The following ADGRG7 variants were observed in gnomAD, a reference collection of about 807,000 sequenced individuals.
ADGRG7 encodes adhesion G protein-coupled receptor G7.
In ADGRG7, 82 loss-of-function variants were observed where a neutral mutation model predicts 88.6. That is an observed-to-expected ratio of 0.93 (90% CI 0.77 to 1.11). The LOEUF is 1.11. Ranked by LOEUF, ADGRG7 falls within the 50% of genes most tolerant of loss-of-function variation. The pLI, the probability that ADGRG7 is intolerant of heterozygous loss-of-function variation, is 0.00. For missense variants in ADGRG7, 945 were observed against 953.4 expected, an observed-to-expected ratio of 0.99 and a Z score of 0.12; for synonymous variants, 381 against 345.2, an observed-to-expected ratio of 1.10 and a Z score of -1.15.
chr3:100,656,286 A>G (rs1002477651), intron 13 of ADGRG7, among the ~76,000 whole-genome samples: 3 of 152,204 alleles, frequency 2.0e-5, no homozygotes, highest in Admixed American at 6.5e-5. Flanking sequence ...TACAATAGGT[A>G]TTATCCTTAG....
At chr3:100,680,379 C>T (rs2149039587) in intron 15 of ADGRG7, among the ~76,000 whole-genome samples, 1 of 152,218 alleles carries the variant, frequency 6.6e-6, no homozygotes, top group East Asian at 1.9e-4. Context: ...ATGTAGACAG[C>T]AAATACAAGT....
Position 100,669,083 on chromosome 3 carries a change from T to C in ADGRG7, c.2114T>C (p.Phe705Ser). The C allele has an allele frequency of 6.3e-7, 1 of 1,592,436 alleles. No individual in the cohort carries two copies. The highest frequency in any genetic ancestry group is 8.5e-7 in the Non-Finnish European group (1 of 1,170,954). ...DSIRIVFSYI[F>S]CLFNTTQGLQ... Reference sequence around the variant, plus strand: ...ATCAGGATCGTCTTCAGCTACATATTCTGCCTTTTCAACACTACACAGGTA... The same window carrying C: ...ATCAGGATCGTCTTCAGCTACATATCCTGCCTTTTCAACACTACACAGGTA... Residue 705 changes from phenylalanine to serine, a missense_variant, in exon 15 of 16, where the codon TTC (phenylalanine) becomes TCC (serine). Physicochemically the swap from Phe to Ser is radical, Grantham distance 155. Transcript: ENST00000273352.
intron 6 of ADGRG7, among the ~76,000 whole-genome samples, chr3:100,641,413 A>C (rs1038202528): frequency 6.6e-6 from 1 of 151,818 alleles, no homozygotes; most frequent in Non-Finnish European, 1.5e-5. Flanking sequence ...AGGTGTAACA[A>C]TTACACTGAA....
At chr3:100,665,071 C>G in intron 14 of ADGRG7, 2 of 492,390 alleles carry the variant, frequency 4.1e-6, no homozygotes, top group South Asian at 3.0e-5. Context: ...ATCCAAGTTT[C>G]TCACATAACC....
At chr3:100,672,924 A>G (rs1237209098) in intron 15 of ADGRG7, among the ~76,000 whole-genome samples, 2 of 152,128 alleles carry the variant, frequency 1.3e-5, no homozygotes, top group Non-Finnish European at 2.9e-5. Flanking sequence ...ATCATGATGG[A>G]TAAGCTTTTT....
Position 100,653,499 on chromosome 3 carries a change from C to T in ADGRG7, c.1380-1336C>T, listed in dbSNP as rs1449401408. Among the ~76,000 whole-genome samples the T allele has an allele frequency of 6.6e-5, 10 of 152,078 alleles. No individual in the cohort carries two copies. In the South Asian group the frequency reaches 1.2e-3, roughly 19 times the overall value. On this transcript the variant is annotated intron_variant, in intron 11 of 15. Coordinates refer to ENST00000273352, the MANE Select transcript of ADGRG7 (RefSeq NM_032787.3). ...TTCTATTATAAAAATTTTAAAACTC[C>T]ATATAGGGCCTCTTCTACAGATGGC... is the stretch of plus-strand genomic sequence containing the variant.
At chr3:100,684,874 G>A (rs1432776601) in intron 15 of ADGRG7, among the ~76,000 whole-genome samples, 1 of 151,588 alleles carries the variant, frequency 6.6e-6, no homozygotes, top group Non-Finnish European at 1.5e-5. Context: ...CTCTTTTTAA[G>A]GTAATAATAT....
intron 15 of ADGRG7, among the ~76,000 whole-genome samples, chr3:100,688,828 TG>T (rs1204885543): frequency 6.6e-6 from 1 of 152,174 alleles, no homozygotes; most frequent in Non-Finnish European, 1.5e-5. Flanking sequence ...AGGTGTGGTG[TG>T]GTGCTGAAAA....
At chr3:100,613,551 A>AG (rs1025365235) in intron 1 of ADGRG7, among the ~76,000 whole-genome samples, 2 of 148,796 alleles carry the variant, frequency 1.3e-5, no homozygotes, top group Non-Finnish European at 3.0e-5. Context: ...AAAAAAAAAA[A>AG]GTCTATTAAA....
intron 13 of ADGRG7, among the ~76,000 whole-genome samples, chr3:100,658,979 G>A: frequency 6.7e-6 from 1 of 149,246 alleles, no homozygotes; most frequent in Non-Finnish European, 1.5e-5. Context: ...CCTGTAGGTG[G>A]TTACTATTAT....
At chr3:100,616,788 T>C (rs931929628) in intron 1 of ADGRG7, among the ~76,000 whole-genome samples, 1 of 152,106 alleles carries the variant, frequency 6.6e-6, no homozygotes, top group Non-Finnish European at 1.5e-5. Context: ...ACCTCTGCAC[T>C]CCAACCTGGG....
intron 1 of ADGRG7, among the ~76,000 whole-genome samples, chr3:100,610,870 G>A (rs1315908612): frequency 6.6e-6 from 1 of 152,224 alleles, no homozygotes; most frequent in African/African-American, 2.4e-5. Context: ...GAGGACAGAA[G>A]GTTGGGGAGC....
intron 1 of ADGRG7, among the ~76,000 whole-genome samples, chr3:100,628,994 T>C (rs921394288): frequency 5.9e-5 from 9 of 152,192 alleles, no homozygotes; most frequent in African/African-American, 2.2e-4. Flanking sequence ...TCCCTTCCAA[T>C]TGAATCTATG....
chr3:100,654,727 C>A (rs2094935144), intron 11 of ADGRG7, 108 bp from the exon 12 acceptor site: 1 of 676,158 alleles, frequency 1.5e-6, no homozygotes, highest in Non-Finnish European at 2.5e-6. Flanking sequence ...ATGAACTGAA[C>A]TTACATTGGG....
rs542028954 is a variant in ADGRG7 at position 100,678,978 on chromosome 3, C to G, written c.2136+9873C>G. 1.9e-3 allele frequency among the ~76,000 whole-genome samples: 292 copies of G among 152,270 alleles called. 1 individual carries two copies. The highest frequency in any genetic ancestry group is 6.2e-3 in the African/African-American group (257 of 41,562). On this transcript the variant is annotated intron_variant, in intron 15 of 15. Coordinates refer to ENST00000273352, the MANE Select transcript of ADGRG7 (RefSeq NM_032787.3). ...CTGTGTGGCTACCACCTATGCTACT[C>G]AAGGCTCAACAGCTCTACAATTAGC... is the stretch of plus-strand genomic sequence containing the variant.
chr3:100,613,279 C>T (rs1707181418), intron 1 of ADGRG7, among the ~76,000 whole-genome samples: 1 of 152,170 alleles, frequency 6.6e-6, no homozygotes, highest in Non-Finnish European at 1.5e-5. Context: ...ACCATAGATA[C>T]TTGGCTTTAA....
rs1707681799 is a variant in ADGRG7 at position 100,643,518 on chromosome 3, T to A, written c.839-8T>A. The stretch of plus-strand genomic sequence containing the variant: ...ACTTTTACAATTCTACTCTTTCCCT[T>A]CTCATAGGAGCTAGCAGTTCTCTAG... On this transcript the variant is annotated splice_region_variant and splice_polypyrimidine_tract_variant and intron_variant, in intron 7 of 15. Coordinates refer to ENST00000273352, the MANE Select transcript of ADGRG7 (RefSeq NM_032787.3). 1 of 1,611,166 alleles carries A rather than the reference T, an allele frequency of 6.2e-7. No homozygotes were observed. The highest frequency in any genetic ancestry group is 1.7e-5 in the Admixed American group (1 of 59,596).
At chr3:100,651,041 T>C (rs1207446411) in intron 11 of ADGRG7, among the ~76,000 whole-genome samples, 1 of 152,214 alleles carries the variant, frequency 6.6e-6, no homozygotes. Flanking sequence ...GCCTCATACC[T>C]GAACCAGCCA....
intron 14 of ADGRG7, among the ~76,000 whole-genome samples, chr3:100,660,866 C>T (rs1003087033): frequency 5.3e-5 from 8 of 151,428 alleles, no homozygotes; most frequent in Non-Finnish European, 1.0e-4. Flanking sequence ...GCAGGAGAAT[C>T]GCTTGAACCC....
Sources: gnomAD v4.1 joint callset for allele counts (sites outside exome capture counted in the v4.1 genomes callset) on GRCh38, gnomAD v4.1.1 for gene constraint, MANE v1.5 for transcripts, NCBI Gene and HGNC (gene_info 2026-07-23, HGNC 2026-07-21) for gene names.